Variants in HSPG2 observed in about 807,000 individuals in gnomAD.
HSPG2 encodes basement membrane-specific heparan sulfate proteoglycan core protein.
In HSPG2, 278 loss-of-function variants were observed where a neutral mutation model predicts 526.6. The observed-to-expected ratio is 0.53, with a 90% CI of 0.48 to 0.58. The LOEUF (loss-of-function observed/expected upper bound fraction) is 0.58. Ranked by LOEUF, HSPG2 falls within the 20% of genes least tolerant of loss-of-function variation. HSPG2 has a pLI of 0.00. For missense variants in HSPG2, 5,354 were observed against 6,099.5 expected, an observed-to-expected ratio of 0.88 and a Z score of 4.07; for synonymous variants, 2,465 against 2,555.4, an observed-to-expected ratio of 0.96 and a Z score of 1.07.
rs1026088322 is a variant in HSPG2 at position 21,890,565 on chromosome 1, C to T, written c.354+20G>A. ...CTGCCCCGCCACACCCGCGAGCTTC[C>T]CAAACCCCCTTCACCTCACCGTGTC... is the stretch of plus-strand genomic sequence containing the variant. On this transcript the variant is annotated intron_variant, in intron 4 of 96. Transcript: ENST00000374695. The surrounding 1 kb of genome is among the most constrained non-coding windows in gnomAD (Gnocchi z 4.1). The T allele has an allele frequency of 3.1e-6, 5 of 1,610,726 alleles. No homozygotes were observed. Among genetic ancestry groups the T allele is most frequent in the Non-Finnish European group, 2.5e-6 (3 of 1,176,848 alleles).
Position 21,864,513 on chromosome 1 carries a change from C to T in HSPG2, c.4627-300G>A, listed in dbSNP as rs1369274088. Among the ~76,000 whole-genome samples the T allele has an allele frequency of 2.0e-5, 3 of 152,154 alleles. No individual in the cohort carries two copies. The highest frequency in any genetic ancestry group is 2.1e-4 in the South Asian group (1 of 4,832). ...AGGGCATGAACTGGGTTTTAACCCCCGGAGAGTGTGGCCCAAACGTGAGGC... is the reference window on the plus strand; with the variant it reads ...AGGGCATGAACTGGGTTTTAACCCCTGGAGAGTGTGGCCCAAACGTGAGGC... On this transcript the variant is annotated intron_variant, in intron 36 of 96. Transcript: ENST00000374695. This position sits in a 1 kb window ranked among gnomAD's most constrained non-coding sequence, Gnocchi z 4.8.
chr1:21,917,080 C>CGCTGACCAGAAGT (rs1643903653), intron 1 of HSPG2, among the ~76,000 whole-genome samples: 1 of 152,214 alleles, frequency 6.6e-6, no homozygotes, highest in Non-Finnish European at 1.5e-5. Flanking sequence ...AGTTATCACA[C>CGCTGACCAGAAGT]GCTGACCAGA....
Position 21,885,172 on chromosome 1 carries a change from G to T in HSPG2, c.1211-15C>A, listed in dbSNP as rs985274789. ...CTGGGGGGGCACTGAGGAGACCAGG[G>T]CAGGAGTGAGGGGTCGGGGGCAAAG... On this transcript the variant is annotated splice_polypyrimidine_tract_variant and intron_variant, in intron 10 of 96. Coordinates refer to ENST00000374695, the MANE Select transcript of HSPG2 (RefSeq NM_005529.7). The T allele has an allele frequency of 6.2e-7, 1 of 1,604,684 alleles. No individual in the cohort carries two copies. Among genetic ancestry groups the T allele is most frequent in the African/African-American group, 1.3e-5 (1 of 74,808 alleles).
rs959688928 is a variant in HSPG2 at position 21,883,041 on chromosome 1, C to G, written c.1654+1487G>C. On this transcript the variant is annotated intron_variant, in intron 13 of 96. Transcript: ENST00000374695. ...AGGCCACCTGCTCACCCTGGAATTC[C>G]CACCACTCCCTCCCCTGGACCACCC... Among the ~76,000 whole-genome samples the G allele has an allele frequency of 1.6e-4, 25 of 152,296 alleles. No individual in the cohort carries two copies. The Middle Eastern group carries it at 0.01, about 62-fold the overall frequency.
intron 64 of HSPG2, 75 bp downstream of exon 64, chr1:21,846,033 C>A (rs994105612): frequency 2.6e-6 from 4 of 1,546,854 alleles, no homozygotes; most frequent in East Asian, 2.2e-5. Flanking sequence ...GTGTTTCCTT[C>A]TGCCAGTTCT....
In HSPG2 at chr1:21,833,367, A is replaced by G. The variant is rs1380506497; in HGVS notation, c.10996T>C (p.Phe3666Leu). ...AGGAAGGAGTAGGGGGTCTGCGTGAAGTAGGGCACCACCCGCTCTGCCAGC... is the reference window on the plus strand; with the variant it reads ...AGGAAGGAGTAGGGGGTCTGCGTGAGGTAGGGCACCACCCGCTCTGCCAGC... The part of the protein sequence containing the change: ...LQVPERVVPY[F>L]TQTPYSFLPL... The change falls in exon 80 of 97, where the codon TTC becomes CTC. Residue 3666 changes from phenylalanine to leucine, a missense_variant. Transcript: ENST00000374695. 6.2e-7 allele frequency: 1 copy of G among 1,614,152 alleles called. No homozygotes were observed. Among genetic ancestry groups the G allele is most frequent in the Non-Finnish European group, 8.5e-7 (1 of 1,180,002 alleles).
intron 1 of HSPG2, among the ~76,000 whole-genome samples, chr1:21,903,058 A>G (rs1373028173): frequency 6.6e-6 from 1 of 152,228 alleles, no homozygotes; most frequent in Admixed American, 6.5e-5. Flanking sequence ...CCTGCCCAAC[A>G]GCCCTGAGGT....
chr1:21,907,317 G>T (rs1306757694), intron 1 of HSPG2, among the ~76,000 whole-genome samples: 1 of 152,156 alleles, frequency 6.6e-6, no homozygotes, highest in African/African-American at 2.4e-5. Flanking sequence ...GTGCTCTTCA[G>T]GGCAGCGACT....
intron 13 of HSPG2, 130 bp downstream of exon 13, chr1:21,884,398 G>A (rs112264866): frequency 7.8e-7 from 1 of 1,275,612 alleles, no homozygotes. Flanking sequence ...ACAGGGCTCA[G>A]TGTTTCTTCA....
chr1:21,841,719 TTCTCGTG>T, intron 69 of HSPG2, 46 bp from the exon 70 acceptor site: 1 of 1,611,250 alleles, frequency 6.2e-7, no homozygotes. Context: ...GACCTGGTCC[TTCTCGTG>T]TCTTGGTGCT....
At chr1:21,878,329 G>C (rs759356883) in intron 20 of HSPG2, 76 bp from the exon 21 acceptor site, 1 of 1,580,316 alleles carries the variant, frequency 6.3e-7, no homozygotes, top group South Asian at 1.1e-5. Flanking sequence ...AGGAACAGTG[G>C]CTCCCCAAGG....
At chr1:21,875,446 T>C (rs1291211471) in intron 25 of HSPG2, among the ~76,000 whole-genome samples, 183 bp downstream of exon 25, 1 of 152,126 alleles carries the variant, frequency 6.6e-6, no homozygotes, top group Non-Finnish European at 1.5e-5. Context: ...CAGGCTTCTT[T>C]CTAGGGAGCC....
chr1:21,925,927 T>G (rs1644178697), intron 1 of HSPG2, among the ~76,000 whole-genome samples: 1 of 152,036 alleles, frequency 6.6e-6, no homozygotes, highest in Admixed American at 6.5e-5. Flanking sequence ...CCTCCCGGGT[T>G]GAAGCAATTC....
chr1:21,873,875 A>T, intron 29 of HSPG2, 50 bp downstream of exon 29: 1 of 1,482,096 alleles, frequency 6.7e-7, no homozygotes, highest in Non-Finnish European at 9.2e-7. Flanking sequence ...TGAGGATTCC[A>T]GGGACACCCC....
At chr1:21,825,612 G>A (rs959334216) in intron 91 of HSPG2, among the ~76,000 whole-genome samples, 1 of 152,172 alleles carries the variant, frequency 6.6e-6, no homozygotes, top group Non-Finnish European at 1.5e-5. Flanking sequence ...CAGGGGACAA[G>A]AGTAGGGGAC....
chr1:21,844,115 G>A (rs904411464), intron 65 of HSPG2, 33 bp downstream of exon 65: 1 of 1,607,836 alleles, frequency 6.2e-7, no homozygotes, highest in Admixed American at 1.7e-5. Flanking sequence ...TGCAGGTGTG[G>A]AGGATGCATG....
intron 23 of HSPG2, 29 bp from the exon 24 acceptor site, chr1:21,876,071 G>C: frequency 6.2e-7 from 1 of 1,612,314 alleles, no homozygotes; most frequent in Non-Finnish European, 8.5e-7. Flanking sequence ...AGGAGCTTGC[G>C]GAGGCCTGAA....
chr1:21,828,748 C>T lies in HSPG2; in HGVS notation c.12237+87G>A. The T allele has an allele frequency of 1.3e-6, 2 of 1,533,942 alleles. No homozygotes were observed. Among genetic ancestry groups the T allele is most frequent in the East Asian group, 2.5e-5 (1 of 40,794 alleles). On this transcript the variant is annotated intron_variant, in intron 88 of 96. Transcript: ENST00000374695. The surrounding 1 kb of genome is among the most constrained non-coding windows in gnomAD (Gnocchi z 6.0). ...CCGTGGGTGGCTGCAGGTGGAGGGGCCCAATGCCAAGGTGCTTGGAGAGCC... is the reference window on the plus strand; with the variant it reads ...CCGTGGGTGGCTGCAGGTGGAGGGGTCCAATGCCAAGGTGCTTGGAGAGCC...
chr1:21,853,078 C>T lies in HSPG2; in HGVS notation c.6440-8G>A, dbSNP rs767221074. On this transcript the variant is annotated splice_polypyrimidine_tract_variant and splice_region_variant and intron_variant, in intron 50 of 96. Transcript: ENST00000374695. ...GCCGGGTGCTGCCGGGCACTGGACA[C>T]AGAGCGGCTGCTCAGAGGCCTGAAC... 1.9e-5 allele frequency: 31 copies of T among 1,613,596 alleles called. No individual in the cohort carries two copies. Among genetic ancestry groups the T allele is most frequent in the Admixed American group, 1.0e-4 (6 of 60,002 alleles).
Sources: allele counts gnomAD v4.1 joint callset (sites outside exome capture counted in the v4.1 genomes callset), GRCh38; gene constraint gnomAD v4.1.1; non-coding constraint Gnocchi (gnomAD v3.1); transcripts MANE v1.5; gene names NCBI Gene and HGNC (gene_info 2026-07-23, HGNC 2026-07-21).